PECAM1: variants seen among roughly 807,000 people sequenced by gnomAD.
PECAM1 encodes the protein platelet endothelial cell adhesion molecule.
Under a neutral mutation model 13.8 loss-of-function variants are expected in PECAM1, and 8 were observed. The ratio of observed to expected loss-of-function variants is 0.58; its 90% confidence interval spans 0.34 to 1.05. PECAM1 has a LOEUF of 1.05. Among genes scored for constraint, PECAM1 ranks in the 50% least tolerant of loss-of-function variants. PECAM1 has a pLI of 0.03. For synonymous variants in PECAM1, 136 were observed against 52.6 expected, an observed-to-expected ratio of 2.58 and a Z score of -6.86; for missense variants, 304 against 141.2, an observed-to-expected ratio of 2.15 and a Z score of -5.84.
rs1292964182 is a variant in PECAM1 at position 64,321,792 on chromosome 17, G to A, written c.*2024C>T. The A allele has an allele frequency of 6.8e-6, 9 of 1,327,586 alleles. No homozygotes were observed. The East Asian group carries it at 3.3e-4, about 49-fold the overall frequency. 82.2% of individuals were successfully genotyped at this position (1,327,586 alleles called of 1,614,324 possible). A position where few individuals can be genotyped will look rare whatever the true frequency, so the allele number is the denominator to read the frequency against. On this transcript the variant is annotated 3_prime_UTR_variant, in exon 16 of 16. Coordinates refer to ENST00000563924, the MANE Select transcript of PECAM1 (RefSeq NM_000442.5). ...ACAAAACAAAACAAAAAATTCAGTCGTGCTGCATAAGTAAGGCACCAGGAG... is the reference window on the plus strand; with the variant it reads ...ACAAAACAAAACAAAAAATTCAGTCATGCTGCATAAGTAAGGCACCAGGAG...
Position 64,371,980 on chromosome 17 carries a change from G to A in PECAM1, c.692-1955C>T, listed in dbSNP as rs1047098137. On this transcript the variant is annotated intron_variant, in intron 4 of 15. Coordinates refer to ENST00000563924, the MANE Select transcript of PECAM1 (RefSeq NM_000442.5). ...AATGACAAGGCATATATGAATAGGT[G>A]GTTTACGGGAAAAAAATGTAATAGA... is the stretch of plus-strand genomic sequence containing the variant. Among the ~76,000 whole-genome samples the A allele has an allele frequency of 1.7e-3, 261 of 152,134 alleles. 2 individuals carry two copies. Among genetic ancestry groups the A allele is most frequent in the African/African-American group, 6.1e-3 (252 of 41,490 alleles).
intron 2 of PECAM1, among the ~76,000 whole-genome samples, chr17:64,389,837 C>G (rs1391547523): frequency 6.6e-6 from 1 of 152,118 alleles, no homozygotes; most frequent in Non-Finnish European, 1.5e-5. Flanking sequence ...CACCTGAGGT[C>G]AGGAGTTTGA....
In PECAM1 at chr17:64,338,238, A is replaced by C. The variant is rs1417517281; in HGVS notation, c.2164+3396T>G. On this transcript the variant is annotated intron_variant, in intron 14 of 15. Coordinates refer to ENST00000563924, the MANE Select transcript of PECAM1 (RefSeq NM_000442.5). ...TATATTGGTTTTTTAAATTTTTTAAAATTTTTTTTTTTTTTTTTTTTTTTA... is the reference window on the plus strand; with the variant it reads ...TATATTGGTTTTTTAAATTTTTTAACATTTTTTTTTTTTTTTTTTTTTTTA... Among the ~76,000 whole-genome samples, 3 of 119,404 alleles carry C rather than the reference A, an allele frequency of 2.5e-5. No homozygotes were observed. In the East Asian group the frequency reaches 7.8e-4, roughly 31 times the overall value. The allele number at this position is 119,404 out of a possible 152,430, so 78.3% of individuals were successfully genotyped here. A position where few individuals can be genotyped will look rare whatever the true frequency, so the allele number is the denominator to read the frequency against.
intron 6 of PECAM1, among the ~76,000 whole-genome samples, chr17:64,362,696 T>A (rs913006704): frequency 1.1e-4 from 16 of 149,232 alleles, no homozygotes; most frequent in African/African-American, 4.0e-4. Flanking sequence ...AAAATAAAAA[T>A]ACAAAAATTA....
At chr17:64,357,936 C>T (rs1004062758) in intron 7 of PECAM1, among the ~76,000 whole-genome samples, 17 of 152,040 alleles carry the variant, frequency 1.1e-4, no homozygotes, top group Non-Finnish European at 1.6e-4. Context: ...TCATTTGCAT[C>T]CTGTCCTTCC....
At chr17:64,388,618 C>T (rs1161364311) in intron 2 of PECAM1, among the ~76,000 whole-genome samples, 1 of 152,126 alleles carries the variant, frequency 6.6e-6, no homozygotes, top group Non-Finnish European at 1.5e-5. Context: ...AAGTTCCAGT[C>T]CCAGTGCCCA....
At chr17:64,356,582 CT>C (rs139125024) in intron 7 of PECAM1, among the ~76,000 whole-genome samples, 184 bp from the exon 8 acceptor site, 136,947 of 151,832 alleles carry the variant, frequency 0.9, 62,852 homozygotes, top group East Asian at 1. Flanking sequence ...TCAAGCAAAT[CT>C]TCCTGCCTCA....
intron 2 of PECAM1, chr17:64,379,239 T>G (rs2036429579): frequency 6.6e-6 from 1 of 152,184 alleles, no homozygotes; most frequent in South Asian, 2.1e-4. Flanking sequence ...TTCTGGCAAG[T>G]CCCCAGAACA....
chr17:64,355,427 A>T (rs1030037900), intron 8 of PECAM1, among the ~76,000 whole-genome samples: 1 of 152,126 alleles, frequency 6.6e-6, no homozygotes, highest in African/African-American at 2.4e-5. Flanking sequence ...AGTAGCTGGG[A>T]CTACAGGAGC....
intron 3 of PECAM1, chr17:64,377,618 A>AAGGC: frequency 6.0e-6 from 2 of 330,926 alleles, no homozygotes; most frequent in East Asian, 4.2e-5. Flanking sequence ...CAAAGAAAGA[A>AAGGC]AGGAAGGAAG....
intron 14 of PECAM1, among the ~76,000 whole-genome samples, chr17:64,332,697 C>T (rs2035158621): frequency 6.6e-6 from 1 of 152,224 alleles, no homozygotes; most frequent in South Asian, 2.1e-4. Flanking sequence ...GGAGACTTGG[C>T]ACAGAGGCCT....
chr17:64,373,844 A>G (rs2036296550), intron 4 of PECAM1, among the ~76,000 whole-genome samples: 1 of 152,116 alleles, frequency 6.6e-6, no homozygotes, highest in South Asian at 2.1e-4. Flanking sequence ...AAATATCTAC[A>G]TGGGTGTGCC....
At position 64,388,745 on chromosome 17, in the gene PECAM1, G is replaced by A. The variant is rs1009231442; in HGVS notation, c.91+1744C>T. ...TGCAGTGGCGCAATCCTGGCTCACC[G>A]AACCTCTGCCTCCTGGGTTCAAGCA... On this transcript the variant is annotated intron_variant, in intron 2 of 15. Transcript: ENST00000563924. Among the ~76,000 whole-genome samples, 10 of 152,146 alleles carry A rather than the reference G, an allele frequency of 6.6e-5. No homozygotes were observed. In the East Asian group the frequency reaches 1.4e-3, roughly 21 times the overall value.
At chr17:64,374,958 G>T in intron 4 of PECAM1, 93 bp downstream of exon 4, 1 of 422,430 alleles carries the variant, frequency 2.4e-6, no homozygotes, top group South Asian at 1.1e-4. Context: ...CTTAAGTCCT[G>T]AGAACAGCAG....
At chr17:64,359,412 C>T (rs1348822559) in intron 7 of PECAM1, among the ~76,000 whole-genome samples, 2 of 152,124 alleles carry the variant, frequency 1.3e-5, no homozygotes, top group Non-Finnish European at 2.9e-5. Context: ...TAGTAACTGC[C>T]ATGAGACCAC....
chr17:64,367,601 A>G (rs2036139894), intron 5 of PECAM1, among the ~76,000 whole-genome samples: 1 of 151,820 alleles, frequency 6.6e-6, no homozygotes, highest in East Asian at 1.9e-4. Flanking sequence ...TAGCCTTGGG[A>G]ATCATGGAAA....
chr17:64,349,859 T>C (rs1431543964), intron 12 of PECAM1, among the ~76,000 whole-genome samples: 5 of 152,180 alleles, frequency 3.3e-5, no homozygotes, highest in African/African-American at 1.2e-4. Flanking sequence ...CACTCCAGCC[T>C]GGCTGACAGA....
rs2036327132 is a variant in PECAM1 at position 64,375,085 on chromosome 17, T to C, written c.657A>G (p.Ser219=). The change falls in exon 4 of 16, where the codon TCA becomes TCG. Residue 219 remains serine (S), a synonymous_variant. Transcript: ENST00000563924. ...TGACCAGTTCACTCTTGGTAGATTC[T>C]GAGGTCTGCATATGGATCCCAGAAA... is the stretch of plus-strand genomic sequence containing the variant. ...RIISGIHMQT[S]ESTKSELVTV... 2 of 475,388 alleles carry C rather than the reference T, an allele frequency of 4.2e-6. No individual in the cohort carries two copies. The highest frequency in any genetic ancestry group is 3.9e-5 in the African/African-American group (2 of 50,650). The allele number at this position is 475,388 out of a possible 1,614,324, so 29.4% of individuals were successfully genotyped here.
chr17:64,331,199 CTTTT>C (rs10708569), intron 14 of PECAM1, among the ~76,000 whole-genome samples: 1 of 142,414 alleles, frequency 7.0e-6, no homozygotes, highest in Non-Finnish European at 1.5e-5. Flanking sequence ...ACACCACCTT[CTTTT>C]TTTTTTTTTT....
Sources: gnomAD v4.1 joint callset for allele counts (sites outside exome capture counted in the v4.1 genomes callset) on GRCh38, gnomAD v4.1.1 for gene constraint, MANE v1.5 for transcripts, NCBI Gene and HGNC (gene_info 2026-07-23, HGNC 2026-07-21) for gene names.